The following PRELID2 variants were observed in gnomAD, a reference collection of about 807,000 sequenced individuals.
PRELID2 encodes PRELI domain-containing protein 2.
In PRELID2, 25 loss-of-function variants were observed where a neutral mutation model predicts 28.4. That is an observed-to-expected ratio of 0.88 (90% CI 0.64 to 1.23). The LOEUF is 1.23. Among genes scored for constraint, PRELID2 ranks in the 50% most tolerant of loss-of-function variants. The pLI, the probability that PRELID2 is intolerant of heterozygous loss-of-function variation, is 0.00. For missense variants in PRELID2, 201 were observed against 214.4 expected (o/e 0.94, Z 0.39); for synonymous variants, 76 against 71.6 (o/e 1.06, Z -0.31).
intron 1 of PRELID2, among the ~76,000 whole-genome samples, chr5:145,598,935 C>T (rs1753349338): frequency 6.6e-6 from 1 of 152,112 alleles, no homozygotes. Context: ...AGTTCTGGTT[C>T]CACTGGTGCA....
chr5:145,463,930 C>A, the PRELID2 span, among the ~76,000 whole-genome samples: 1 of 152,122 alleles, frequency 6.6e-6, no homozygotes, highest in Middle Eastern at 3.2e-3. Flanking sequence ...AACAGCTTCC[C>A]AAATTCTAAC....
intron 1 of PRELID2, among the ~76,000 whole-genome samples, chr5:145,542,797 C>T (rs1196568204): frequency 6.8e-6 from 1 of 147,730 alleles, no homozygotes; most frequent in African/African-American, 2.6e-5. Flanking sequence ...GTCTTTTTCT[C>T]TTTTCTTTTA....
the PRELID2 span, among the ~76,000 whole-genome samples, chr5:145,263,183 T>C: frequency 6.6e-6 from 1 of 152,108 alleles, no homozygotes. Flanking sequence ...TCAAAATTTA[T>C]AAAACAATTA....
At chr5:145,338,388 G>A in the PRELID2 span, 1 of 152,078 alleles carries the variant, frequency 6.6e-6, no homozygotes, top group Non-Finnish European at 1.5e-5. Context: ...CTTGTGAAAT[G>A]AAACATTAAA....
At chr5:145,340,770 C>CAGATATATAT in the PRELID2 span, among the ~76,000 whole-genome samples, 1 of 116,536 alleles carries the variant, frequency 8.6e-6, no homozygotes, top group Non-Finnish European at 1.8e-5. Flanking sequence ...TAAAAATATA[C>CAGATATATAT]ATATATATAT....
At chr5:145,724,981 G>A (rs181534611) in intron 1 of PRELID2, among the ~76,000 whole-genome samples, 86 of 151,810 alleles carry the variant, frequency 5.7e-4, no homozygotes, top group Middle Eastern at 3.4e-3. Flanking sequence ...GGACCAAAAT[G>A]ATCCTCCCAC....
the PRELID2 span, among the ~76,000 whole-genome samples, chr5:145,314,132 C>T: frequency 6.6e-6 from 1 of 152,172 alleles, no homozygotes; most frequent in Non-Finnish European, 1.5e-5. Flanking sequence ...AGACCTTCAT[C>T]ATGGATGAAG....
chr5:145,585,921 A>C (rs908395157), intron 1 of PRELID2, among the ~76,000 whole-genome samples: 1 of 152,088 alleles, frequency 6.6e-6, no homozygotes, highest in African/African-American at 2.4e-5. Context: ...CAGATGAAAG[A>C]CTGTGAGTCC....
At chr5:145,263,661 A>G in the PRELID2 span, among the ~76,000 whole-genome samples, 1 of 152,002 alleles carries the variant, frequency 6.6e-6, no homozygotes, top group Non-Finnish European at 1.5e-5. Context: ...TATTACAACC[A>G]ATACCATAGA....
At chr5:145,284,759 T>C in the PRELID2 span, among the ~76,000 whole-genome samples, 4 of 152,232 alleles carry the variant, frequency 2.6e-5, no homozygotes, top group East Asian at 7.7e-4. Context: ...TGAAAGTGGC[T>C]GGTTTGGATT....
At chr5:145,490,079 C>T (rs1298421153) in intron 1 of PRELID2, among the ~76,000 whole-genome samples, 1 of 152,116 alleles carries the variant, frequency 6.6e-6, no homozygotes, top group Non-Finnish European at 1.5e-5. Flanking sequence ...AAAGATGTTG[C>T]TTAAAATAAA....
chr5:145,519,591 G>A (rs546346286), intron 1 of PRELID2, among the ~76,000 whole-genome samples: 2 of 152,198 alleles, frequency 1.3e-5, no homozygotes, highest in South Asian at 2.1e-4. Context: ...GGCTTTATTA[G>A]CCATATTTAT....
the PRELID2 span, among the ~76,000 whole-genome samples, chr5:145,355,475 A>C: frequency 1.3e-5 from 2 of 152,158 alleles, no homozygotes; most frequent in Non-Finnish European, 2.9e-5. Flanking sequence ...CCTGCTGATG[A>C]TATCTCTTAT....
intron 1 of PRELID2, among the ~76,000 whole-genome samples, chr5:145,640,252 C>T (rs994471299): frequency 1.3e-5 from 2 of 151,730 alleles, no homozygotes; most frequent in African/African-American, 4.8e-5. Context: ...TTTGGGAGGC[C>T]GAGGCGGGCG....
At chr5:145,385,690 T>C in the PRELID2 span, among the ~76,000 whole-genome samples, 1,423 of 152,308 alleles carry the variant, frequency 9.3e-3, 69 homozygotes, top group Admixed American at 0.076. Context: ...CAGACAATTA[T>C]TGCATTTTGT....
At chr5:145,577,945 A>G (rs2149622584) in intron 1 of PRELID2, among the ~76,000 whole-genome samples, 1 of 152,292 alleles carries the variant, frequency 6.6e-6, no homozygotes, top group East Asian at 1.9e-4. Context: ...ACTATAGGAC[A>G]TTGAAACAAA....
chr5:145,747,204 G>A (rs1351427275), intron 1 of PRELID2, among the ~76,000 whole-genome samples: 9 of 147,748 alleles, frequency 6.1e-5, no homozygotes, highest in African/African-American at 2.0e-4. Context: ...GAAGAAGATA[G>A]AGACATCAAA....
chr5:145,274,602 G>T, the PRELID2 span, among the ~76,000 whole-genome samples: 3 of 152,004 alleles, frequency 2.0e-5, no homozygotes. Context: ...GCCTGCTGGA[G>T]GTAATAAATA....
At chr5:145,499,339 T>A (rs1158216173) in intron 1 of PRELID2, among the ~76,000 whole-genome samples, 1 of 152,218 alleles carries the variant, frequency 6.6e-6, no homozygotes, top group Non-Finnish European at 1.5e-5. Flanking sequence ...TAGAAGGATA[T>A]CACAAATAGT....
Sources: gnomAD v4.1 joint callset for allele counts (sites outside exome capture counted in the v4.1 genomes callset) on GRCh38, gnomAD v4.1.1 for gene constraint, MANE v1.5 for transcripts, NCBI Gene and HGNC (gene_info 2026-07-23, HGNC 2026-07-21) for gene names.